The following GMDS variants were observed in gnomAD, a reference collection of about 807,000 sequenced individuals.
The protein encoded by GMDS is GDP-mannose 4,6 dehydratase.
A neutral mutation model predicts 49.9 loss-of-function variants in GMDS; 20 were observed. The ratio of observed to expected loss-of-function variants is 0.40; its 90% CI spans 0.28 to 0.58. GMDS has a LOEUF of 0.58. Ranked by LOEUF, GMDS falls within the 20% of genes least tolerant of loss-of-function variation. The pLI, the probability that GMDS is intolerant of heterozygous loss-of-function variation, is 0.42. For synonymous variants in GMDS, 177 were observed against 178.6 expected (o/e 0.99, Z 0.07); for missense variants, 362 against 481.4 (o/e 0.75, Z 2.32).
At chr6:1,750,141 T>G (rs1029194216) in intron 7 of GMDS, among the ~76,000 whole-genome samples, 2 of 152,226 alleles carry the variant, frequency 1.3e-5, no homozygotes, top group Non-Finnish European at 2.9e-5. Flanking sequence ...TATTAATACC[T>G]CATATTTCAA....
At chr6:1,875,397 T>A (rs1392570078) in intron 7 of GMDS, among the ~76,000 whole-genome samples, 2 of 151,638 alleles carry the variant, frequency 1.3e-5, no homozygotes, top group African/African-American at 2.4e-5. Context: ...TGTTAGAATT[T>A]AAAAAAAATT....
intron 4 of GMDS, among the ~76,000 whole-genome samples, chr6:1,962,970 G>A (rs755398757): frequency 9.4e-5 from 14 of 149,584 alleles, no homozygotes; most frequent in Admixed American, 4.7e-4. Context: ...TCTGCCTCCC[G>A]GGTTCAAGTG....
intron 1 of GMDS, among the ~76,000 whole-genome samples, chr6:2,137,482 C>A (rs574018074): frequency 6.6e-6 from 1 of 152,022 alleles, no homozygotes; most frequent in Non-Finnish European, 1.5e-5. Context: ...TACAGGCATG[C>A]GTCACCATAC....
chr6:2,189,614 A>G (rs542053324), intron 1 of GMDS, among the ~76,000 whole-genome samples: 1 of 152,244 alleles, frequency 6.6e-6, no homozygotes, highest in East Asian at 1.9e-4. Context: ...GCACTTCATA[A>G]TCTCCTGCCT....
intron 8 of GMDS, among the ~76,000 whole-genome samples, chr6:1,737,286 T>C (rs556378024): frequency 7.4e-4 from 112 of 152,302 alleles, no homozygotes; most frequent in African/African-American, 2.4e-3. Context: ...AGGGTACTCT[T>C]ACAACTCTCT....
At chr6:2,050,454 G>A (rs982477712) in intron 4 of GMDS, among the ~76,000 whole-genome samples, 2 of 152,188 alleles carry the variant, frequency 1.3e-5, no homozygotes, top group South Asian at 2.1e-4. Flanking sequence ...GAGGTACAAG[G>A]AGGAGCTGGT....
intron 7 of GMDS, among the ~76,000 whole-genome samples, chr6:1,807,117 A>T (rs1218143947): frequency 6.6e-6 from 1 of 151,984 alleles, no homozygotes; most frequent in Non-Finnish European, 1.5e-5. Flanking sequence ...ATCAGGGCTC[A>T]CCGCAGCCTC....
intron 7 of GMDS, among the ~76,000 whole-genome samples, chr6:1,896,782 C>T (rs534309028): frequency 8.5e-5 from 13 of 152,246 alleles, no homozygotes; most frequent in African/African-American, 2.4e-4. Flanking sequence ...TTGACAAACA[C>T]AAGTGCCATC....
At chr6:2,230,224 TA>T (rs1781024413) in intron 1 of GMDS, among the ~76,000 whole-genome samples, 1 of 152,222 alleles carries the variant, frequency 6.6e-6, no homozygotes, top group African/African-American at 2.4e-5. Flanking sequence ...AAGTTTCCAT[TA>T]CACATGCTAT....
intron 9 of GMDS, among the ~76,000 whole-genome samples, chr6:1,627,646 C>T (rs544802073): frequency 3.9e-5 from 6 of 152,222 alleles, no homozygotes; most frequent in Admixed American, 2.6e-4. Flanking sequence ...TTTGACAGTT[C>T]GTTTCCTTCA....
intron 1 of GMDS, among the ~76,000 whole-genome samples, chr6:2,243,118 G>T (rs1337864174): frequency 6.6e-6 from 1 of 152,234 alleles, no homozygotes; most frequent in Non-Finnish European, 1.5e-5. Context: ...AGGGAAGAAA[G>T]AAACACTGGG....
intron 1 of GMDS, among the ~76,000 whole-genome samples, chr6:2,240,225 G>C (rs1298776398): frequency 6.6e-6 from 1 of 152,154 alleles, no homozygotes; most frequent in East Asian, 1.9e-4. Flanking sequence ...CTAGATAATA[G>C]ATTCCCCATG....
At chr6:1,660,263 T>C (rs751151047) in intron 9 of GMDS, among the ~76,000 whole-genome samples, 11 of 152,230 alleles carry the variant, frequency 7.2e-5, no homozygotes, top group African/African-American at 4.8e-5. Flanking sequence ...AGGGGTCCTA[T>C]TGGCACCAGC....
intron 4 of GMDS, among the ~76,000 whole-genome samples, chr6:2,075,143 T>C (rs1455699558): frequency 6.6e-6 from 1 of 152,190 alleles, no homozygotes; most frequent in East Asian, 1.9e-4. Context: ...CATAACAACA[T>C]TAGAATTATT....
chr6:1,639,655 G>A (rs1011221734), intron 9 of GMDS, among the ~76,000 whole-genome samples: 1 of 152,240 alleles, frequency 6.6e-6, no homozygotes. Flanking sequence ...GGGAGGCCAA[G>A]GCAGGTGGAT....
intron 7 of GMDS, among the ~76,000 whole-genome samples, chr6:1,774,549 G>A (rs1206463921): frequency 1.3e-5 from 2 of 152,224 alleles, no homozygotes; most frequent in Admixed American, 6.5e-5. Flanking sequence ...ATCCCCAAAT[G>A]ATGATTGTGT....
chr6:1,677,781 C>T (rs183872846), intron 9 of GMDS, among the ~76,000 whole-genome samples: 2 of 125,724 alleles, frequency 1.6e-5, no homozygotes, highest in East Asian at 4.7e-4. Flanking sequence ...GAACATCACA[C>T]ACCGGTACCT....
chr6:1,740,220 TGA>T (rs1178463277), intron 8 of GMDS, among the ~76,000 whole-genome samples: 1 of 152,202 alleles, frequency 6.6e-6, no homozygotes, highest in Non-Finnish European at 1.5e-5. Flanking sequence ...AAGTAATTAA[TGA>T]GAGTGGCAGA....
In GMDS at chr6:1,635,918, G is replaced by T. The variant is rs548803443; in HGVS notation, c.988-11378C>A. Among the ~76,000 whole-genome samples the T allele has an allele frequency of 6.6e-6, 1 of 152,150 alleles. No homozygotes were observed. The highest frequency in any genetic ancestry group is 1.5e-5 in the Non-Finnish European group (1 of 68,020). On this transcript the variant is annotated intron_variant, in intron 9 of 10. Transcript: ENST00000380815. This position sits in a 1 kb window ranked among gnomAD's most constrained non-coding sequence, Gnocchi z 4.7. The stretch of plus-strand genomic sequence containing the variant: ...CTGCTCTCAGCTGGGGCTATCTTTA[G>T]GACACTACTGTTTGGTTAGAGCCCT...
Sources: gnomAD v4.1 joint callset for allele counts (sites outside exome capture counted in the v4.1 genomes callset) on GRCh38, gnomAD v4.1.1 for gene constraint, Gnocchi (gnomAD v3.1) non-coding constraint, MANE v1.5 for transcripts, NCBI Gene and HGNC (gene_info 2026-07-23, HGNC 2026-07-21) for gene names.